GRIK2: variants seen among roughly 807,000 people sequenced by gnomAD.
The protein encoded by GRIK2 is glutamate receptor ionotropic, kainate 2.
In GRIK2, 32 loss-of-function variants were observed where a neutral mutation model predicts 100.3. The observed-to-expected ratio is 0.32, with a 90% CI of 0.24 to 0.43. GRIK2 has a LOEUF of 0.43. Ranked by LOEUF, GRIK2 falls within the 20% of genes least tolerant of loss-of-function variation. The pLI, the probability that GRIK2 is intolerant of heterozygous loss-of-function variation, is 1.00. For missense variants in GRIK2, 843 were observed against 1,114.9 expected, an observed-to-expected ratio of 0.76 and a Z score of 3.47; for synonymous variants, 417 against 389.4, an observed-to-expected ratio of 1.07 and a Z score of -0.83.
At chr6:101,758,795 CTATT>C (rs1231355207) in intron 7 of GRIK2, among the ~76,000 whole-genome samples, 5 of 152,182 alleles carry the variant, frequency 3.3e-5, no homozygotes, top group Admixed American at 2.6e-4. Flanking sequence ...TTTTGAAAAG[CTATT>C]TATTCTTAAT....
intron 10 of GRIK2, among the ~76,000 whole-genome samples, chr6:101,833,988 A>T (rs1782882293): frequency 6.6e-6 from 1 of 152,052 alleles, no homozygotes; most frequent in South Asian, 2.1e-4. Flanking sequence ...GAAAAATAAA[A>T]ATTCCAAAGT....
At chr6:101,929,595 G>A (rs984554636) in intron 14 of GRIK2, among the ~76,000 whole-genome samples, 1 of 152,080 alleles carries the variant, frequency 6.6e-6, no homozygotes, top group African/African-American at 2.4e-5. Flanking sequence ...TCTCACTATC[G>A]AGGAGATTAT....
At chr6:101,898,354 A>G (rs1369351105) in intron 12 of GRIK2, among the ~76,000 whole-genome samples, 1 of 151,784 alleles carries the variant, frequency 6.6e-6, no homozygotes, top group Non-Finnish European at 1.5e-5. Context: ...TGTTAACTTT[A>G]CCTTCTAGTT....
intron 13 of GRIK2, chr6:101,927,338 TA>T: frequency 1.4e-6 from 1 of 732,126 alleles, no homozygotes; most frequent in Non-Finnish European, 1.7e-6. Flanking sequence ...GATATGACTG[TA>T]AGTCCGTCTT....
intron 2 of GRIK2, among the ~76,000 whole-genome samples, chr6:101,413,884 C>T (rs1775992385): frequency 6.6e-6 from 1 of 151,804 alleles, no homozygotes. Context: ...GCTATTTGTT[C>T]AAGTCTTTAT....
intron 2 of GRIK2, among the ~76,000 whole-genome samples, chr6:101,460,526 A>G (rs192440910): frequency 6.6e-6 from 1 of 152,356 alleles, no homozygotes. Context: ...GAACTGTTGC[A>G]AATTGGCTAG....
chr6:101,712,422 C>T (rs1773783707), intron 7 of GRIK2, among the ~76,000 whole-genome samples: 1 of 151,716 alleles, frequency 6.6e-6, no homozygotes, highest in Non-Finnish European at 1.5e-5. Flanking sequence ...TTTTTTCTTA[C>T]AGGCAATAGG....
chr6:101,504,890 A>G (rs906308679), intron 2 of GRIK2, among the ~76,000 whole-genome samples: 2 of 152,094 alleles, frequency 1.3e-5, no homozygotes, highest in Admixed American at 6.6e-5. Context: ...AATCCTGGTG[A>G]GTTGCAGAGA....
chr6:101,943,912 T>A (rs911223327), intron 14 of GRIK2, among the ~76,000 whole-genome samples: 5 of 152,136 alleles, frequency 3.3e-5, no homozygotes, highest in African/African-American at 1.2e-4. Flanking sequence ...GACATGCAAT[T>A]TGGGAGGGGA....
At chr6:102,037,487 A>G (rs1218210367) in intron 15 of GRIK2, among the ~76,000 whole-genome samples, 1 of 151,290 alleles carries the variant, frequency 6.6e-6, no homozygotes, top group East Asian at 1.9e-4. Context: ...CCAGTGCATA[A>G]TGATACTGGA....
chr6:101,739,080 T>C (rs1775862017), intron 7 of GRIK2, among the ~76,000 whole-genome samples: 1 of 152,240 alleles, frequency 6.6e-6, no homozygotes. Context: ...AAGAGCCTGA[T>C]GTATTACTTA....
At chr6:101,779,921 G>A (rs944640002) in intron 7 of GRIK2, among the ~76,000 whole-genome samples, 2 of 152,028 alleles carry the variant, frequency 1.3e-5, no homozygotes, top group African/African-American at 4.8e-5. Context: ...AAATAGAACA[G>A]ATTATCTTAT....
chr6:101,672,845 T>G (rs1384018925), intron 4 of GRIK2, among the ~76,000 whole-genome samples: 1 of 152,216 alleles, frequency 6.6e-6, no homozygotes, highest in Non-Finnish European at 1.5e-5. Flanking sequence ...CTAGGTTGAT[T>G]TCACATCTTT....
chr6:101,494,447 A>G (rs991481615), intron 2 of GRIK2, among the ~76,000 whole-genome samples: 5 of 152,020 alleles, frequency 3.3e-5, no homozygotes, highest in African/African-American at 1.2e-4. Flanking sequence ...TTATTTTAAA[A>G]AACATACTTT....
At chr6:101,559,796 ATGCTTTGAATACAAC>A (rs1776916376) in intron 2 of GRIK2, among the ~76,000 whole-genome samples, 1 of 152,092 alleles carries the variant, frequency 6.6e-6, no homozygotes, top group South Asian at 2.1e-4. Context: ...ACACATCCAT[ATGCTTTGAATACAAC>A]TGCTGGTTTT....
At chr6:101,700,374 T>A (rs536337497) in intron 7 of GRIK2, among the ~76,000 whole-genome samples, 120 of 152,046 alleles carry the variant, frequency 7.9e-4, no homozygotes, top group Non-Finnish European at 1.3e-3. Flanking sequence ...ATCTCAAGTA[T>A]AAATATAAAC....
At chr6:101,928,282 A>G (rs1035165424) in intron 13 of GRIK2, 133 bp from the exon 14 acceptor site, 3 of 618,234 alleles carry the variant, frequency 4.9e-6, no homozygotes, top group African/African-American at 1.8e-5. Flanking sequence ...TTGCTTGCTT[A>G]CTAAAGAAAT....
At chr6:101,439,360 A>G (rs1406654333) in intron 2 of GRIK2, among the ~76,000 whole-genome samples, 1 of 152,138 alleles carries the variant, frequency 6.6e-6, no homozygotes, top group Non-Finnish European at 1.5e-5. Flanking sequence ...AAGCAGGCAT[A>G]GTTGCAACAG....
intron 7 of GRIK2, among the ~76,000 whole-genome samples, chr6:101,788,623 G>T (rs1367091467): frequency 6.6e-6 from 1 of 152,088 alleles, no homozygotes; most frequent in Non-Finnish European, 1.5e-5. Context: ...TTGGACATTT[G>T]GGTTGGATCC....
Sources: gnomAD v4.1 joint callset for allele counts (sites outside exome capture counted in the v4.1 genomes callset) on GRCh38, gnomAD v4.1.1 for gene constraint, MANE v1.5 for transcripts, NCBI Gene and HGNC (gene_info 2026-07-23, HGNC 2026-07-21) for gene names.